Variants in GPHN observed in about 807,000 individuals in gnomAD.
GPHN encodes gephyrin.
In GPHN, 17 loss-of-function variants were observed where a neutral mutation model predicts 95.5. The observed-to-expected ratio is 0.18, with a 90% CI of 0.12 to 0.27. The LOEUF is 0.27. Among genes scored for constraint, GPHN ranks in the 10% least tolerant of loss-of-function variants. The pLI, the probability that GPHN is intolerant of heterozygous loss-of-function variation, is 1.00. For synonymous variants in GPHN, 320 were observed against 322.5 expected (o/e 0.99, Z 0.08); for missense variants, 660 against 978.1 (o/e 0.67, Z 4.34).
At chr14:66,921,656 A>G (rs1052594741) in intron 6 of GPHN, among the ~76,000 whole-genome samples, 1 of 152,184 alleles carries the variant, frequency 6.6e-6, no homozygotes, top group African/African-American at 2.4e-5. Context: ...TTCAAATTCT[A>G]TGCCATTCCC....
chr14:67,501,879 C>T, the GPHN span, among the ~76,000 whole-genome samples: 1 of 152,190 alleles, frequency 6.6e-6, no homozygotes, highest in African/African-American at 2.4e-5. Flanking sequence ...GTGACATCTA[C>T]GAATATTCAT....
chr14:67,619,024 T>C, the GPHN span, among the ~76,000 whole-genome samples: 1 of 152,176 alleles, frequency 6.6e-6, no homozygotes, highest in South Asian at 2.1e-4. Context: ...GGTTAAGAAC[T>C]TGGAATGTGG....
At chr14:67,499,198 C>T in the GPHN span, among the ~76,000 whole-genome samples, 231 of 151,700 alleles carry the variant, frequency 1.5e-3, 1 homozygote, top group African/African-American at 5.2e-3. Context: ...GATATGGGGT[C>T]CTGCTATGTT....
chr14:67,634,628 A>T, the GPHN span, among the ~76,000 whole-genome samples: 4 of 151,490 alleles, frequency 2.6e-5, no homozygotes, highest in African/African-American at 9.7e-5. Context: ...GGTAGTAATG[A>T]TGATGAGTTA....
chr14:67,448,120 C>CTTTTTTTTTTTTTTTTTTTT, the GPHN span, among the ~76,000 whole-genome samples: 2 of 36,050 alleles, frequency 5.5e-5, no homozygotes, highest in African/African-American at 2.0e-4. Context: ...ATAGCCCATT[C>CTTTTTTTTTTTTTTTTTTTT]TTTTTTTTTT....
chr14:67,036,890 A>G (rs80030960), intron 10 of GPHN, among the ~76,000 whole-genome samples: 2,379 of 152,118 alleles, frequency 0.016, 33 homozygotes, highest in Non-Finnish European at 0.018. Flanking sequence ...GGCAATCCCT[A>G]TCAAAATACC....
chr14:67,277,280 A>G, the GPHN span, among the ~76,000 whole-genome samples: 1 of 152,216 alleles, frequency 6.6e-6, no homozygotes, highest in Non-Finnish European at 1.5e-5. Flanking sequence ...AATTTGGATG[A>G]AAGACAGAAA....
the GPHN span, among the ~76,000 whole-genome samples, chr14:67,318,810 C>T: frequency 6.6e-6 from 1 of 152,116 alleles, no homozygotes. Context: ...GTAATCCCAG[C>T]ACTTTGGGAG....
the GPHN span, among the ~76,000 whole-genome samples, chr14:67,255,412 T>C: frequency 6.6e-6 from 1 of 152,182 alleles, no homozygotes; most frequent in Non-Finnish European, 1.5e-5. Context: ...TTTTTGGAAT[T>C]TTTCATATAA....
chr14:66,944,480 G>A (rs774407676), intron 8 of GPHN, among the ~76,000 whole-genome samples: 2 of 152,160 alleles, frequency 1.3e-5, no homozygotes, highest in East Asian at 1.9e-4. Flanking sequence ...CACCAGATTG[G>A]TTACAGCTTA....
At position 66,970,085 on chromosome 14, in the gene GPHN, G is replaced by GTT. The variant is rs76967963; in HGVS notation, c.963+4777_963+4778dup. On this transcript the variant is annotated intron_variant, in intron 9 of 22. Coordinates refer to ENST00000478722, the MANE Select transcript of GPHN (RefSeq NM_020806.5). Reference sequence around the variant, plus strand: ...GTGCTTAGAATAACCAGCAAGTTGTGTTTTTTTTTTTTTTTTTTGCTCTTA... The same window carrying GTT: ...GTGCTTAGAATAACCAGCAAGTTGTGTTTTTTTTTTTTTTTTTTTTGCTCTTA... 3.7e-3 allele frequency among the ~76,000 whole-genome samples: 369 copies of GTT among 98,976 alleles called. 5 individuals carry two copies. The highest frequency in any genetic ancestry group is 0.012 in the African/African-American group (339 of 27,834). The allele number at this position is 98,976 out of a possible 152,430, so 64.9% of individuals were successfully genotyped here.
At chr14:67,015,899 C>G (rs1410347900) in intron 9 of GPHN, among the ~76,000 whole-genome samples, 1 of 152,064 alleles carries the variant, frequency 6.6e-6, no homozygotes, top group Non-Finnish European at 1.5e-5. Context: ...CCATCTGAAC[C>G]AATGGGAAAA....
the GPHN span, chr14:67,586,201 C>T: frequency 7.4e-7 from 1 of 1,353,490 alleles, no homozygotes; most frequent in Non-Finnish European, 1.0e-6. Flanking sequence ...AGGGCCCTGC[C>T]CAGATAAAAT....
chr14:67,161,484 G>T (rs111949897), intron 19 of GPHN, among the ~76,000 whole-genome samples: 1 of 151,820 alleles, frequency 6.6e-6, no homozygotes, highest in African/African-American at 2.4e-5. Context: ...GAATTGGGCC[G>T]AGTGCAGTGG....
At chr14:66,570,776 C>G (rs1322802857) in intron 1 of GPHN, among the ~76,000 whole-genome samples, 3 of 152,176 alleles carry the variant, frequency 2.0e-5, no homozygotes, top group East Asian at 3.8e-4. Flanking sequence ...CTCATTTACA[C>G]TTATTTTCCA....
chr14:67,662,955 TC>T, the GPHN span: 1 of 1,189,304 alleles, frequency 8.4e-7, no homozygotes, highest in Non-Finnish European at 1.1e-6. Flanking sequence ...CTGAAACCCC[TC>T]ACCACTCCCA....
chr14:67,050,400 T>C (rs2075253901), intron 10 of GPHN, among the ~76,000 whole-genome samples: 1 of 152,180 alleles, frequency 6.6e-6, no homozygotes, highest in Admixed American at 6.5e-5. Context: ...ATACCCCAAG[T>C]ATTTACTGAG....
the GPHN span, chr14:67,221,847 TG>T: frequency 6.2e-7 from 1 of 1,607,172 alleles, no homozygotes; most frequent in East Asian, 2.2e-5. Flanking sequence ...TTGTGATCCC[TG>T]GTATTCAGTA....
At chr14:67,048,175 A>G (rs1216017130) in intron 10 of GPHN, among the ~76,000 whole-genome samples, 1 of 152,234 alleles carries the variant, frequency 6.6e-6, no homozygotes, top group East Asian at 1.9e-4. Context: ...GGCTTTCTAC[A>G]TCATAGATAG....
Sources: allele counts gnomAD v4.1 joint callset (sites outside exome capture counted in the v4.1 genomes callset), GRCh38; gene constraint gnomAD v4.1.1; transcripts MANE v1.5; gene names NCBI Gene and HGNC (gene_info 2026-07-23, HGNC 2026-07-21).